OVOL2: variants seen among roughly 807,000 people sequenced by gnomAD.
OVOL2 encodes ovo like zinc finger 2, also known as transcription factor Ovo-like 2.
In OVOL2, 13 loss-of-function variants were observed where a neutral mutation model predicts 18.1. The observed-to-expected ratio is 0.72, with a 90% CI of 0.47 to 1.14. OVOL2 has a LOEUF of 1.14. OVOL2 is among the 50% of genes most tolerant of loss of function. The pLI, the probability that OVOL2 is intolerant of heterozygous loss-of-function variation, is 0.00. For synonymous variants in OVOL2, 166 were observed against 162.7 expected (o/e 1.02, Z -0.16); for missense variants, 335 against 383.0 (o/e 0.87, Z 1.05).
At chr20:18,041,312 A>G (rs2036665609) in intron 3 of OVOL2, among the ~76,000 whole-genome samples, 1 of 144,618 alleles carries the variant, frequency 6.9e-6, no homozygotes, top group Non-Finnish European at 1.5e-5. Context: ...TACAGGCGCC[A>G]CCACCACGCC....
intron 2 of OVOL2, among the ~76,000 whole-genome samples, chr20:18,054,517 C>T (rs753328190): frequency 8.6e-5 from 13 of 152,018 alleles, no homozygotes; most frequent in Non-Finnish European, 1.3e-4. Context: ...CTGAGGCAGG[C>T]GGATCACCTG....
At chr20:18,026,445 A>T (rs2036517115) in intron 3 of OVOL2, among the ~76,000 whole-genome samples, 1 of 148,230 alleles carries the variant, frequency 6.7e-6, no homozygotes. Flanking sequence ...GCAGTGGCGC[A>T]ATCTCAGCTC....
intron 3 of OVOL2, among the ~76,000 whole-genome samples, chr20:18,038,661 T>C (rs1006786793): frequency 6.6e-6 from 1 of 152,096 alleles, no homozygotes; most frequent in African/African-American, 2.4e-5. Context: ...CTGCGTTGTG[T>C]CCTAGAAGCC....
At chr20:18,037,555 C>G (rs1234725927) in intron 3 of OVOL2, among the ~76,000 whole-genome samples, 1 of 152,240 alleles carries the variant, frequency 6.6e-6, no homozygotes, top group Non-Finnish European at 1.5e-5. Flanking sequence ...GCGGATGCCC[C>G]ACTCATATCC....
In OVOL2 at chr20:18,024,346, C is replaced by T. The variant is rs543531347; in HGVS notation, c.*290G>A. The T allele has an allele frequency of 5.0e-4, 181 of 359,126 alleles. 1 individual carries two copies. Among genetic ancestry groups the T allele is most frequent in the Non-Finnish European group, 8.2e-4 (171 of 207,870 alleles). 22.2% of individuals were successfully genotyped at this position (359,126 alleles called of 1,614,324 possible). Reference sequence around the variant, plus strand: ...ACCTCTCCTTCCGTGTGTGAAAATCCTTGGGGGAAAAAAAAATCCCACACG... The same window carrying T: ...ACCTCTCCTTCCGTGTGTGAAAATCTTTGGGGGAAAAAAAAATCCCACACG... On this transcript the variant is annotated 3_prime_UTR_variant, in exon 4 of 4. Coordinates refer to ENST00000278780, the MANE Select transcript of OVOL2 (RefSeq NM_021220.4).
intron 3 of OVOL2, among the ~76,000 whole-genome samples, chr20:18,036,437 A>G (rs1355009491): frequency 6.6e-6 from 1 of 152,188 alleles, no homozygotes; most frequent in Non-Finnish European, 1.5e-5. Flanking sequence ...ACACACAGCC[A>G]GTGGCCGCCG....
At chr20:18,037,496 G>A (rs2036626840) in intron 3 of OVOL2, among the ~76,000 whole-genome samples, 1 of 152,236 alleles carries the variant, frequency 6.6e-6, no homozygotes, top group Non-Finnish European at 1.5e-5. Context: ...GGGTCCCCTA[G>A]TCTCTGCCGA....
chr20:18,041,423 T>A (rs867511854), intron 3 of OVOL2, 111 bp downstream of exon 3: 6 of 1,312,406 alleles, frequency 4.6e-6, no homozygotes, highest in Middle Eastern at 3.8e-4. Context: ...GTGATCTTTC[T>A]AGAAACACAA....
rs977943179 is a variant in OVOL2, at chr20:18,024,174, A to C, written c.*462T>G. On this transcript the variant is annotated 3_prime_UTR_variant, in exon 4 of 4. Transcript: ENST00000278780. ...AGGTCAATGTTCCATTTTGCTTTTAAAAGCTTCACAAGAACATTTCATTTA... is the reference window on the plus strand; with the variant it reads ...AGGTCAATGTTCCATTTTGCTTTTACAAGCTTCACAAGAACATTTCATTTA... 1 of 159,734 alleles carries C rather than the reference A, an allele frequency of 6.3e-6. No homozygotes were observed. The highest frequency in any genetic ancestry group is 2.4e-5 in the African/African-American group (1 of 41,550). 9.9% of individuals were successfully genotyped at this position (159,734 alleles called of 1,614,324 possible).
intron 2 of OVOL2, among the ~76,000 whole-genome samples, chr20:18,049,326 T>A (rs73899395): frequency 1.3e-5 from 2 of 152,082 alleles, no homozygotes; most frequent in Non-Finnish European, 2.9e-5. Flanking sequence ...CATTCACCTG[T>A]CAAACTTCTA....
At chr20:18,037,075 G>T (rs1386622759) in intron 3 of OVOL2, among the ~76,000 whole-genome samples, 1 of 149,618 alleles carries the variant, frequency 6.7e-6, no homozygotes, top group East Asian at 2.0e-4. Context: ...GGCGGAGCTT[G>T]CAGTGAGCCG....
chr20:18,024,359 A>G lies in OVOL2; in HGVS notation c.*277T>C, dbSNP rs1286078592. ...TGTGTGAAAATCCTTGGGGGAAAAAAAAATCCCACACGGTGTTCTTGGCCA... is the reference window on the plus strand; with the variant it reads ...TGTGTGAAAATCCTTGGGGGAAAAAGAAATCCCACACGGTGTTCTTGGCCA... On this transcript the variant is annotated 3_prime_UTR_variant, in exon 4 of 4. Coordinates refer to ENST00000278780, the MANE Select transcript of OVOL2 (RefSeq NM_021220.4). 2.4e-6 allele frequency: 1 copy of G among 422,114 alleles called. No homozygotes were observed. The highest frequency in any genetic ancestry group is 4.2e-5 in the Admixed American group (1 of 23,656). The allele number at this position is 422,114 out of a possible 1,614,324, so 26.1% of individuals were successfully genotyped here. A position where few individuals can be genotyped will look rare whatever the true frequency, so the allele number is the denominator to read the frequency against.
rs1324639553 is a variant in OVOL2, at chr20:18,030,857, T to TAGTGTAAACGCCA, written c.512-5906_512-5905insTGGCGTTTACACT. Among the ~76,000 whole-genome samples, 37 of 152,308 alleles carry TAGTGTAAACGCCA rather than the reference T, an allele frequency of 2.4e-4. 1 individual carries two copies. The highest frequency in any genetic ancestry group is 8.3e-4 in the South Asian group (4 of 4,830). ...TAGTGTAAACGCCACCATTCACCCC[T>TAGTGTAAACGCCA]CATTCACTGGTGCGGGCACTGCCAT... On this transcript the variant is annotated intron_variant, in intron 3 of 3. Coordinates refer to ENST00000278780, the MANE Select transcript of OVOL2 (RefSeq NM_021220.4).
rs376372581 is a variant in OVOL2 at position 18,024,936 on chromosome 20, T to C, written c.528A>G (p.Lys176=). 1 of 1,611,128 alleles carries C rather than the reference T, an allele frequency of 6.2e-7. No individual in the cohort carries two copies. The highest frequency in any genetic ancestry group is 1.7e-5 in the Admixed American group (1 of 59,958). The change falls in exon 4 of 4, where the codon AAA becomes AAG. Residue 176 remains lysine (K), a synonymous_variant. Transcript: ENST00000278780. ...TGAAGGCTTTATTGCAGACGTTGCA[T>C]TTGTAGGGACGAATGCCTGAAAGGA... The part of the protein sequence containing the change: ...VRTHTGIRPY[K]CNVCNKAFTQ...
chr20:18,043,083 T>A lies in OVOL2; in HGVS notation c.322-1360A>T, dbSNP rs1010733302. ...CCTTGAAGGGGAGCAAACGGTGCCT[T>A]CTTCCTCCTCCACTCCTTCCTGCTG... On this transcript the variant is annotated intron_variant, in intron 2 of 3. Transcript: ENST00000278780. Among the ~76,000 whole-genome samples the A allele has an allele frequency of 2.1e-4, 32 of 152,286 alleles. No individual in the cohort carries two copies. In the South Asian group the frequency reaches 3.3e-3, roughly 16 times the overall value.
At chr20:18,040,065 T>C (rs747679826) in intron 3 of OVOL2, among the ~76,000 whole-genome samples, 5 of 152,124 alleles carry the variant, frequency 3.3e-5, no homozygotes, top group Non-Finnish European at 7.4e-5. Context: ...GCTAGGACTA[T>C]AGGCACGCAC....
At chr20:18,039,786 A>C (rs1422742306) in intron 3 of OVOL2, among the ~76,000 whole-genome samples, 2 of 152,118 alleles carry the variant, frequency 1.3e-5, no homozygotes, top group Non-Finnish European at 2.9e-5. Context: ...TGAACTAGAA[A>C]ATAGGATGCA....
At chr20:18,042,429 G>A (rs546491268) in intron 2 of OVOL2, among the ~76,000 whole-genome samples, 54 of 152,086 alleles carry the variant, frequency 3.6e-4, no homozygotes, top group East Asian at 5.8e-4. Flanking sequence ...TGCCGTCCCC[G>A]TAGTAAAGAG....
intron 2 of OVOL2, among the ~76,000 whole-genome samples, chr20:18,046,977 G>A (rs142359013): frequency 1.3e-5 from 2 of 151,884 alleles, no homozygotes; most frequent in African/African-American, 4.8e-5. Context: ...GGCTAGGGGT[G>A]TGATATGGAA....
Sources: gnomAD v4.1 joint callset for allele counts (sites outside exome capture counted in the v4.1 genomes callset) on GRCh38, gnomAD v4.1.1 for gene constraint, MANE v1.5 for transcripts, NCBI Gene and HGNC (gene_info 2026-07-23, HGNC 2026-07-21) for gene names.